The following PCDHGB5 variants were observed in gnomAD, a reference collection of about 807,000 sequenced individuals.
PCDHGB5 encodes protocadherin gamma-B5.
Under a neutral mutation model 62.9 loss-of-function variants are expected in PCDHGB5, and 48 were observed. The ratio of observed to expected loss-of-function variants is 0.76; its 90% CI spans 0.61 to 0.97. The LOEUF (loss-of-function observed/expected upper bound fraction) is 0.97, where lower values mean the gene tolerates loss of function less well. Among genes scored for constraint, PCDHGB5 ranks in the 50% least tolerant of loss-of-function variants. The pLI, the probability that PCDHGB5 is intolerant of heterozygous loss-of-function variation, is 0.00. For synonymous variants in PCDHGB5, 474 were observed against 511.2 expected, an observed-to-expected ratio of 0.93 and a Z score of 0.98; for missense variants, 1,118 against 1,198.6, an observed-to-expected ratio of 0.93 and a Z score of 0.99.
rs748972821 is a variant in PCDHGB5 at position 141,476,094 on chromosome 5, GAGAGGAACT to G, written c.2398-18712_2398-18704del. ...TCTCAGGGACGATCTGGACCCCGCT[GAGAGGAACT>G]GCTTTTGAGTGAGATGGTCCCAGAG... is the stretch of plus-strand genomic sequence containing the variant. On this transcript the variant is annotated intron_variant, in intron 1 of 3. Coordinates refer to ENST00000617380, the MANE Select transcript of PCDHGB5 (RefSeq NM_018925.3). This position sits in a 1 kb window ranked among gnomAD's most constrained non-coding sequence, Gnocchi z 7.6. 6.4e-7 allele frequency: 1 copy of G among 1,568,172 alleles called. No individual in the cohort carries two copies. The highest frequency in any genetic ancestry group is 1.2e-5 in the South Asian group (1 of 85,292).
intron 1 of PCDHGB5, chr5:141,403,598 G>T: frequency 6.2e-7 from 1 of 1,613,820 alleles, no homozygotes; most frequent in Non-Finnish European, 8.5e-7. Context: ...CACGGCCTCG[G>T]ATGGCGGCGA....
chr5:141,486,760 G>C lies in PCDHGB5; in HGVS notation c.2398-8047G>C. ...GATCCTTTGACTATGAGCAAACCCAGACACTGCAGTTTGAGGTGCAGGCCC... is the reference window on the plus strand; with the variant it reads ...GATCCTTTGACTATGAGCAAACCCACACACTGCAGTTTGAGGTGCAGGCCC... On this transcript the variant is annotated intron_variant, in intron 1 of 3. Transcript: ENST00000617380. This position sits in a 1 kb window ranked among gnomAD's most constrained non-coding sequence, Gnocchi z 5.0. 1.2e-6 allele frequency: 2 copies of C among 1,614,240 alleles called. No homozygotes were observed. The highest frequency in any genetic ancestry group is 2.2e-5 in the South Asian group (2 of 91,086).
rs918375556 is a variant in PCDHGB5, at chr5:141,489,318, G to C, written c.2398-5489G>C. 6.3e-7 allele frequency: 1 copy of C among 1,598,974 alleles called. No individual in the cohort carries two copies. Among genetic ancestry groups the C allele is most frequent in the African/African-American group, 1.3e-5 (1 of 74,510 alleles). On this transcript the variant is annotated intron_variant, in intron 1 of 3. Coordinates refer to ENST00000617380, the MANE Select transcript of PCDHGB5 (RefSeq NM_018925.3). The surrounding 1 kb of genome is among the most constrained non-coding windows in gnomAD (Gnocchi z 4.5). ...TGTTGTCCTTGTGCTGCTGGGGCTG[G>C]GTGTCTGGGCAGCTTCGTTACTCAG...
At chr5:141,455,552 G>T (rs897699654) in intron 1 of PCDHGB5, among the ~76,000 whole-genome samples, 1 of 152,144 alleles carries the variant, frequency 6.6e-6, no homozygotes, top group African/African-American at 2.4e-5. Flanking sequence ...CGTAGCCCGA[G>T]AAAAAGCTGG....
At chr5:141,408,894 C>A (rs778126197) in intron 1 of PCDHGB5, 1 of 1,613,304 alleles carries the variant, frequency 6.2e-7, no homozygotes, top group East Asian at 2.2e-5. Flanking sequence ...ATAGAAATTT[C>A]TGTCAAGGAT....
chr5:141,408,568 G>A (rs1282391205), intron 1 of PCDHGB5: 2 of 1,613,936 alleles, frequency 1.2e-6, no homozygotes, highest in African/African-American at 2.7e-5. Flanking sequence ...TCATTGTGGT[G>A]ATTGAGGATG....
Position 141,477,657 on chromosome 5 carries a change from G to C in PCDHGB5, c.2398-17150G>C. 4 of 1,614,190 alleles carry C rather than the reference G, an allele frequency of 2.5e-6. No individual in the cohort carries two copies. Among genetic ancestry groups the C allele is most frequent in the Non-Finnish European group, 3.4e-6 (4 of 1,180,038 alleles). The stretch of plus-strand genomic sequence containing the variant: ...GTGGGTCGCTATTTCACAATAAATC[G>C]TGACAATGGCATAGTGTCATCCTTA... On this transcript the variant is annotated intron_variant, in intron 1 of 3. Coordinates refer to ENST00000617380, the MANE Select transcript of PCDHGB5 (RefSeq NM_018925.3). The surrounding 1 kb of genome is among the most constrained non-coding windows in gnomAD (Gnocchi z 4.9).
chr5:141,430,951 C>A, intron 1 of PCDHGB5: 3 of 1,610,496 alleles, frequency 1.9e-6, no homozygotes, highest in Non-Finnish European at 2.5e-6. Flanking sequence ...AGCGCGGAGT[C>A]CGCATCATCC....
chr5:141,435,951 G>A (rs371199258), intron 1 of PCDHGB5, among the ~76,000 whole-genome samples: 1 of 152,100 alleles, frequency 6.6e-6, no homozygotes, highest in Non-Finnish European at 1.5e-5. Context: ...ACCAAAAAAG[G>A]GGGCAAAATA....
At chr5:141,433,225 GCT>G in intron 1 of PCDHGB5, 1 of 1,517,048 alleles carries the variant, frequency 6.6e-7, no homozygotes, top group African/African-American at 1.4e-5. Context: ...TTTTTTAATT[GCT>G]CTGTCTCCCA....
rs1394484191 is a variant in PCDHGB5 at position 141,486,006 on chromosome 5, C to T, written c.2398-8801C>T. The T allele has an allele frequency of 6.2e-7, 1 of 1,614,190 alleles. No individual in the cohort carries two copies. Among genetic ancestry groups the T allele is most frequent in the Non-Finnish European group, 8.5e-7 (1 of 1,180,026 alleles). Reference sequence around the variant, plus strand: ...GACCTGGGTCCCAGTGGTAACGTCACCTTTTATTTCAGTGGTCATACCCCT... The same window carrying T: ...GACCTGGGTCCCAGTGGTAACGTCATCTTTTATTTCAGTGGTCATACCCCT... On this transcript the variant is annotated intron_variant, in intron 1 of 3. Coordinates refer to ENST00000617380, the MANE Select transcript of PCDHGB5 (RefSeq NM_018925.3). This position sits in a 1 kb window ranked among gnomAD's most constrained non-coding sequence, Gnocchi z 5.0.
intron 1 of PCDHGB5, chr5:141,409,830 G>C: frequency 6.2e-7 from 1 of 1,611,250 alleles, no homozygotes; most frequent in Non-Finnish European, 8.5e-7. Context: ...CCCACGCTCA[G>C]CGCCAACGTG....
At chr5:141,467,748 G>A (rs186276272) in intron 1 of PCDHGB5, among the ~76,000 whole-genome samples, 22 of 151,912 alleles carry the variant, frequency 1.4e-4, no homozygotes, top group South Asian at 2.1e-4. Context: ...TGCAACCTCC[G>A]CCTCACATGC....
chr5:141,490,837 G>A lies in PCDHGB5; in HGVS notation c.2398-3970G>A. On this transcript the variant is annotated intron_variant, in intron 1 of 3. Coordinates refer to ENST00000617380, the MANE Select transcript of PCDHGB5 (RefSeq NM_018925.3). This position sits in a 1 kb window ranked among gnomAD's most constrained non-coding sequence, Gnocchi z 5.4. ...TGAATTGCTGCAGATGCTGCAGATTGTGGTGGGGGTTCGAGACTCCGGCTC... is the reference window on the plus strand; with the variant it reads ...TGAATTGCTGCAGATGCTGCAGATTATGGTGGGGGTTCGAGACTCCGGCTC... The A allele has an allele frequency of 1.9e-6, 3 of 1,613,914 alleles. No homozygotes were observed. The highest frequency in any genetic ancestry group is 2.2e-5 in the South Asian group (2 of 91,072).
Position 141,491,176 on chromosome 5 carries a change from G to A in PCDHGB5, c.2398-3631G>A. The A allele has an allele frequency of 1.2e-6, 2 of 1,614,210 alleles. No homozygotes were observed. The highest frequency in any genetic ancestry group is 8.5e-7 in the Non-Finnish European group (1 of 1,180,024). On this transcript the variant is annotated intron_variant, in intron 1 of 3. Transcript: ENST00000617380. The surrounding 1 kb of genome is among the most constrained non-coding windows in gnomAD (Gnocchi z 6.9). ...TGACTCTGACACCCAGCAGGTGGTG[G>A]TCCTGGTGAGGGACAATGGTGACCC...
chr5:141,446,275 A>G (rs1229842331), intron 1 of PCDHGB5, among the ~76,000 whole-genome samples: 1 of 152,156 alleles, frequency 6.6e-6, no homozygotes, highest in African/African-American at 2.4e-5. Flanking sequence ...GAATAAATAC[A>G]ATGGATAAAT....
chr5:141,418,505 G>A, intron 1 of PCDHGB5: 1 of 1,614,006 alleles, frequency 6.2e-7, no homozygotes, highest in Non-Finnish European at 8.5e-7. Flanking sequence ...GACCGCCTTA[G>A]ATGGTGGGGA....
At chr5:141,462,271 G>C (rs2099036316) in intron 1 of PCDHGB5, among the ~76,000 whole-genome samples, 1 of 152,174 alleles carries the variant, frequency 6.6e-6, no homozygotes, top group African/African-American at 2.4e-5. Context: ...AAAGTGTATT[G>C]TTTAGTCACC....
chr5:141,499,689 C>CTTTTT (rs545067566), intron 2 of PCDHGB5, among the ~76,000 whole-genome samples: 5 of 119,848 alleles, frequency 4.2e-5, no homozygotes, highest in Admixed American at 8.7e-5. Context: ...TAACAGATGA[C>CTTTTT]TTTTTTTTTT....
Sources: gnomAD v4.1 joint callset for allele counts (sites outside exome capture counted in the v4.1 genomes callset) on GRCh38, gnomAD v4.1.1 for gene constraint, Gnocchi (gnomAD v3.1) non-coding constraint, MANE v1.5 for transcripts, NCBI Gene and HGNC (gene_info 2026-07-23, HGNC 2026-07-21) for gene names.